KLHDC1: variants seen among roughly 807,000 people sequenced by gnomAD.
The protein encoded by KLHDC1 is kelch domain-containing protein 1.
KLHDC1 carries 53 observed loss-of-function variants against 68.3 expected under a neutral mutation model. The ratio of observed to expected loss-of-function variants is 0.78; its 90% confidence interval spans 0.62 to 0.98. The LOEUF (loss-of-function observed/expected upper bound fraction) is 0.98, where lower values mean the gene tolerates loss of function less well. KLHDC1 is among the 50% of genes least tolerant of loss of function. The pLI is 0.00. For missense variants in KLHDC1, 470 were observed against 492.3 expected (o/e 0.95, Z 0.43); for synonymous variants, 148 against 159.0 (o/e 0.93, Z 0.52).
intron 4 of KLHDC1, among the ~76,000 whole-genome samples, chr14:49,714,433 A>G (rs1207888647): frequency 6.6e-6 from 1 of 151,394 alleles, no homozygotes; most frequent in African/African-American, 2.4e-5. Flanking sequence ...AGATCGCGCC[A>G]TTGCACTCGA....
chr14:49,715,257 G>T (rs1242846855), intron 4 of KLHDC1, among the ~76,000 whole-genome samples: 1 of 150,588 alleles, frequency 6.6e-6, no homozygotes. Flanking sequence ...CGAATAGCTG[G>T]GATTACAGGC....
chr14:49,714,897 A>C (rs1268308786), intron 4 of KLHDC1, among the ~76,000 whole-genome samples: 3 of 147,424 alleles, frequency 2.0e-5, no homozygotes, highest in Non-Finnish European at 4.5e-5. Context: ...TATACTTAAT[A>C]TATATTTATA....
intron 12 of KLHDC1, among the ~76,000 whole-genome samples, chr14:49,748,714 G>A (rs533705830): frequency 3.6e-4 from 54 of 151,838 alleles, no homozygotes; most frequent in African/African-American, 1.1e-3. Flanking sequence ...ATGAGCCATC[G>A]TAGGGGGTAT....
chr14:49,733,234 T>C (rs1179343672), intron 9 of KLHDC1, among the ~76,000 whole-genome samples: 1 of 152,126 alleles, frequency 6.6e-6, no homozygotes, highest in Non-Finnish European at 1.5e-5. Context: ...TGCTTCTCTT[T>C]TTGTTCCAGA....
chr14:49,697,343 C>G (rs1887774024), intron 1 of KLHDC1, among the ~76,000 whole-genome samples: 1 of 152,200 alleles, frequency 6.6e-6, no homozygotes, highest in African/African-American at 2.4e-5. Context: ...ACACATTTAT[C>G]AGTTAAGTTC....
chr14:49,740,390 T>G (rs1042450204), intron 11 of KLHDC1, among the ~76,000 whole-genome samples: 4 of 152,072 alleles, frequency 2.6e-5, no homozygotes, highest in Non-Finnish European at 5.9e-5. Flanking sequence ...CAGGCTGGAG[T>G]GCAGTGGTGC....
Position 49,733,143 on chromosome 14 carries a change from C to A in KLHDC1, c.823+327C>A, listed in dbSNP as rs183200049. Reference sequence around the variant, plus strand: ...TAGGGTAGGATGCTTGCACTGTTCGCTTTTGCTGTACTCCAGGCTAGGGGA... The same window carrying A: ...TAGGGTAGGATGCTTGCACTGTTCGATTTTGCTGTACTCCAGGCTAGGGGA... On this transcript the variant is annotated intron_variant, in intron 9 of 12. Transcript: ENST00000359332. 5.1e-3 allele frequency among the ~76,000 whole-genome samples: 777 copies of A among 152,252 alleles called. 8 individuals carry two copies. The highest frequency in any genetic ancestry group is 0.018 in the African/African-American group (729 of 41,556).
intron 1 of KLHDC1, among the ~76,000 whole-genome samples, 181 bp downstream of exon 1, chr14:49,693,471 C>T (rs1425296483): frequency 1.3e-5 from 2 of 151,846 alleles, no homozygotes; most frequent in Admixed American, 1.3e-4. Context: ...TTGACGTCGT[C>T]CCGCCGTTGC....
intron 10 of KLHDC1, 110 bp from the exon 11 acceptor site, chr14:49,739,988 C>T (rs1168063193): frequency 1.7e-6 from 1 of 582,662 alleles, no homozygotes; most frequent in African/African-American, 1.9e-5. Context: ...TCAATCGTGT[C>T]TCTTTTAAAT....
At chr14:49,743,321 A>AC (rs1444285814) in intron 11 of KLHDC1, among the ~76,000 whole-genome samples, 4 of 147,062 alleles carry the variant, frequency 2.7e-5, no homozygotes, top group African/African-American at 1.0e-4. Flanking sequence ...AATCGCTTGA[A>AC]CCTGGGAGTT....
chr14:49,698,010 C>T (rs938222402), intron 1 of KLHDC1, among the ~76,000 whole-genome samples: 9 of 152,056 alleles, frequency 5.9e-5, no homozygotes, highest in African/African-American at 2.4e-5. Flanking sequence ...CTGATATTTC[C>T]ACCGTTTATT....
intron 4 of KLHDC1, among the ~76,000 whole-genome samples, chr14:49,713,672 G>A (rs1183876778): frequency 6.6e-6 from 1 of 150,492 alleles, no homozygotes; most frequent in African/African-American, 2.4e-5. Flanking sequence ...GATCGCTTGG[G>A]GCCAGAAGTT....
rs760801498 is a variant in KLHDC1, at chr14:49,751,571, A to G, written c.1035-15A>G. 7 of 1,356,252 alleles carry G rather than the reference A, an allele frequency of 5.2e-6. No individual in the cohort carries two copies. The highest frequency in any genetic ancestry group is 1.5e-5 in the African/African-American group (1 of 67,480). 84.0% of individuals were successfully genotyped at this position (1,356,252 alleles called of 1,614,324 possible). A position where few individuals can be genotyped will look rare whatever the true frequency, so the allele number is the denominator to read the frequency against. On this transcript the variant is annotated splice_polypyrimidine_tract_variant and intron_variant, in intron 12 of 12. Transcript: ENST00000359332. The stretch of plus-strand genomic sequence containing the variant: ...CAGGTTCAAGACTAATAATTCTGTT[A>G]TGTTTTATTTACAGGTCATGCCTTG...
intron 12 of KLHDC1, among the ~76,000 whole-genome samples, chr14:49,748,489 G>C (rs1889249417): frequency 6.6e-6 from 1 of 152,138 alleles, no homozygotes; most frequent in Non-Finnish European, 1.5e-5. Context: ...TGGGAGGGGA[G>C]ATAAGCAATG....
chr14:49,702,624 C>T (rs1887939197), intron 1 of KLHDC1, among the ~76,000 whole-genome samples: 1 of 152,076 alleles, frequency 6.6e-6, no homozygotes, highest in African/African-American at 2.4e-5. Flanking sequence ...CCTACTTATC[C>T]TCATAAAATA....
Position 49,710,342 on chromosome 14 carries a change from C to T in KLHDC1, c.365C>T (p.Thr122Ile), listed in dbSNP as rs778712771. ...KITDFEGQPP[T>I]PRDKLSCWVY... is the part of the protein sequence containing the mutation. ...ACCGACTTTGAAGGGCAACCACCTA[C>T]ACCACGTGATAAACTTTCCTGCTGG... is the stretch of plus-strand genomic sequence containing the variant. Residue 122 changes from threonine (T) to isoleucine (I), a missense_variant, in exon 4 of 13, where the codon ACA becomes ATA. Coordinates refer to ENST00000359332, the MANE Select transcript of KLHDC1 (RefSeq NM_172193.3). The T allele has an allele frequency of 2.5e-6, 4 of 1,610,420 alleles. No homozygotes were observed. In the South Asian group the frequency reaches 3.3e-5, roughly 13 times the overall value.
chr14:49,704,503 C>T (rs939050719), intron 1 of KLHDC1, among the ~76,000 whole-genome samples: 16 of 142,464 alleles, frequency 1.1e-4, no homozygotes, highest in African/African-American at 3.6e-4. Flanking sequence ...AAGCAATTCT[C>T]GTGCCTCAGC....
chr14:49,743,416 A>AG (rs1456003738), intron 11 of KLHDC1, among the ~76,000 whole-genome samples: 49 of 150,724 alleles, frequency 3.3e-4, no homozygotes, highest in African/African-American at 1.2e-3. Flanking sequence ...AAAAAAAAAA[A>AG]GAAAAGAAAA....
At chr14:49,720,374 C>T (rs936005893) in intron 4 of KLHDC1, among the ~76,000 whole-genome samples, 3 of 152,202 alleles carry the variant, frequency 2.0e-5, no homozygotes, top group African/African-American at 7.2e-5. Flanking sequence ...CCTGCCTCAA[C>T]CTACCACATT....
Sources: allele counts gnomAD v4.1 joint callset (sites outside exome capture counted in the v4.1 genomes callset), GRCh38; gene constraint gnomAD v4.1.1; transcripts MANE v1.5; gene names NCBI Gene and HGNC (gene_info 2026-07-23, HGNC 2026-07-21).